The following C14orf39 variants were observed in gnomAD, a reference collection of about 807,000 sequenced individuals.
C14orf39 encodes protein SIX6OS1.
Under a neutral mutation model 85.6 loss-of-function variants are expected in C14orf39, and 66 were observed. The observed-to-expected ratio is 0.77, with a 90% CI of 0.63 to 0.95. The LOEUF (loss-of-function observed/expected upper bound fraction) is 0.95. Among genes scored for constraint, C14orf39 ranks in the 40% least tolerant of loss-of-function variants. C14orf39 has a pLI of 0.00. For missense variants in C14orf39, 735 were observed against 663.9 expected, an observed-to-expected ratio of 1.11 and a Z score of -1.18; for synonymous variants, 242 against 214.0, an observed-to-expected ratio of 1.13 and a Z score of -1.14.
chr14:60,510,753 A>G (rs7160408), intron 1 of C14orf39, among the ~76,000 whole-genome samples: 131,182 of 152,270 alleles, frequency 0.86, 57,189 homozygotes, highest in Non-Finnish European at 0.92. Context: ...TGTCACCCAC[A>G]CTTCGTTTAT....
At chr14:60,471,255 A>G (rs1199426726) in intron 7 of C14orf39, among the ~76,000 whole-genome samples, 162 bp downstream of exon 7, 1 of 152,030 alleles carries the variant, frequency 6.6e-6, no homozygotes, top group Non-Finnish European at 1.5e-5. Context: ...ATGAATATAC[A>G]TGAAAATGAA....
At chr14:60,505,875 C>A (rs764081247) in intron 1 of C14orf39, among the ~76,000 whole-genome samples, 13 of 152,174 alleles carry the variant, frequency 8.5e-5, no homozygotes, top group Admixed American at 1.3e-4. Flanking sequence ...CTGTCCTCTA[C>A]TCTAGAGAGG....
chr14:60,448,268 G>C (rs1329716190), intron 16 of C14orf39, among the ~76,000 whole-genome samples: 1 of 152,078 alleles, frequency 6.6e-6, no homozygotes, highest in Non-Finnish European at 1.5e-5. Context: ...CCTACAGAAT[G>C]GGAGAAAATT....
chr14:60,498,675 C>T (rs1158311170), intron 2 of C14orf39, among the ~76,000 whole-genome samples: 1 of 152,186 alleles, frequency 6.6e-6, no homozygotes, highest in Non-Finnish European at 1.5e-5. Context: ...AACCTCAATC[C>T]TTGGTGCATT....
chr14:60,446,328 G>C (rs1048958551), intron 16 of C14orf39, among the ~76,000 whole-genome samples: 1 of 152,006 alleles, frequency 6.6e-6, no homozygotes, highest in Non-Finnish European at 1.5e-5. Context: ...AGAAAAGAGA[G>C]AAGAATCAAA....
At chr14:60,445,979 A>G (rs1433582281) in intron 16 of C14orf39, among the ~76,000 whole-genome samples, 1 of 152,210 alleles carries the variant, frequency 6.6e-6, no homozygotes, top group Non-Finnish European at 1.5e-5. Flanking sequence ...AAATAACAAA[A>G]TGAAGGGAGA....
intron 13 of C14orf39, among the ~76,000 whole-genome samples, chr14:60,459,819 T>C (rs1446517937): frequency 6.6e-6 from 1 of 151,778 alleles, no homozygotes; most frequent in Non-Finnish European, 1.5e-5. Flanking sequence ...GTCTGCTTTT[T>C]TGTTCTTCAT....
chr14:60,437,469 T>C (rs1205244223), intron 17 of C14orf39, among the ~76,000 whole-genome samples: 2 of 151,946 alleles, frequency 1.3e-5, no homozygotes, highest in Non-Finnish European at 2.9e-5. Context: ...CTTGGAAAGA[T>C]TGCTGAATAT....
At chr14:60,493,717 A>T (rs1313717267) in intron 2 of C14orf39, 1 of 152,266 alleles carries the variant, frequency 6.6e-6, no homozygotes, top group Non-Finnish European at 1.5e-5. Context: ...ACACAACTGT[A>T]AACATCATTT....
At chr14:60,459,370 A>G (rs1015892325) in intron 13 of C14orf39, among the ~76,000 whole-genome samples, 1 of 151,684 alleles carries the variant, frequency 6.6e-6, no homozygotes, top group African/African-American at 2.4e-5. Flanking sequence ...GCATGTATGT[A>G]CTTCTATTTC....
chr14:60,468,719 T>G (rs1473020415), intron 8 of C14orf39, among the ~76,000 whole-genome samples, 183 bp from the exon 9 acceptor site: 2 of 151,686 alleles, frequency 1.3e-5, no homozygotes, highest in Non-Finnish European at 3.0e-5. Flanking sequence ...CCCGTTTAAC[T>G]TTTCCTTACA....
upstream of C14orf39, among the ~76,000 whole-genome samples, chr14:60,488,031 T>G (rs1474020099): frequency 6.6e-6 from 1 of 152,212 alleles, no homozygotes; most frequent in Admixed American, 6.5e-5. Context: ...TTACATTTGT[T>G]TATATTTATT....
At chr14:60,465,910 C>A (rs1595465864) in intron 11 of C14orf39, 69 bp downstream of exon 11, 10 of 710,192 alleles carry the variant, frequency 1.4e-5, no homozygotes, top group South Asian at 4.5e-5. Context: ...GTCTTAAGGG[C>A]AGTACATTCA....
chr14:60,477,382 G>A (rs1332655323), intron 5 of C14orf39, among the ~76,000 whole-genome samples: 1 of 151,904 alleles, frequency 6.6e-6, no homozygotes, highest in Non-Finnish European at 1.5e-5. Context: ...TATAAAAATA[G>A]ATACTGTTCT....
chr14:60,490,570 G>C (rs1448260889), upstream of C14orf39, among the ~76,000 whole-genome samples: 1 of 152,104 alleles, frequency 6.6e-6, no homozygotes, highest in Non-Finnish European at 1.5e-5. Context: ...GCTGTGGCGA[G>C]CTATGATCGC....
rs1259461749 is a variant in C14orf39, at chr14:60,471,676, G to C, written c.387C>G (p.Tyr129Ter). Reference sequence around the variant, plus strand: ...ATTCACGTGAAAAGGGTGTTTCTGAGTATTTTAGTTGGTACTGCTTCAAAA... The same window carrying C: ...ATTCACGTGAAAAGGGTGTTTCTGACTATTTTAGTTGGTACTGCTTCAAAA... ...KEVLKQYQLK[Y>*]SETPFSREYY... The change falls in exon 6 of 18, where the codon TAC (tyrosine) becomes TAG (stop). Residue 129 changes from tyrosine (Y) to a stop codon, truncating the protein, a stop_gained. Transcript: ENST00000321731. LOFTEE classifies it high-confidence loss of function. The C allele has an allele frequency of 1.9e-6, 3 of 1,605,166 alleles. No homozygotes were observed. The South Asian group carries it at 3.3e-5, about 18-fold the overall frequency.
intron 17 of C14orf39, among the ~76,000 whole-genome samples, chr14:60,440,114 T>C (rs1349291868): frequency 6.6e-6 from 1 of 152,200 alleles, no homozygotes; most frequent in African/African-American, 2.4e-5. Flanking sequence ...AATTTTTAGA[T>C]GGCAGACATT....
intron 9 of C14orf39, among the ~76,000 whole-genome samples, chr14:60,467,328 A>C (rs1460841020): frequency 6.6e-6 from 1 of 151,860 alleles, no homozygotes; most frequent in East Asian, 1.9e-4. Context: ...CACATGTCAA[A>C]AACATTTTAA....
intron 1 of C14orf39, among the ~76,000 whole-genome samples, 191 bp from the exon 2 acceptor site, chr14:60,485,277 CGCTTCAGA>C (rs1892828535): frequency 6.6e-6 from 1 of 152,156 alleles, no homozygotes; most frequent in Non-Finnish European, 1.5e-5. Flanking sequence ...GCCCAACGAG[CGCTTCAGA>C]AATCGTTGTT....
Sources: gnomAD v4.1 joint callset for allele counts (sites outside exome capture counted in the v4.1 genomes callset) on GRCh38, gnomAD v4.1.1 for gene constraint, MANE v1.5 for transcripts, NCBI Gene and HGNC (gene_info 2026-07-23, HGNC 2026-07-21) for gene names.